The following CSF1 variants were observed in gnomAD, a reference collection of about 807,000 sequenced individuals.
CSF1 encodes colony stimulating factor 1, also known as macrophage colony-stimulating factor 1.
Under a neutral mutation model 48.9 loss-of-function variants are expected in CSF1, and 9 were observed. The observed-to-expected ratio is 0.18, with a 90% CI of 0.11 to 0.32. The LOEUF is 0.32. CSF1 is among the 10% of genes least tolerant of loss of function. The pLI, the probability that CSF1 is intolerant of heterozygous loss-of-function variation, is 1.00. For synonymous variants in CSF1, 305 were observed against 284.1 expected, an observed-to-expected ratio of 1.07 and a Z score of -0.74; for missense variants, 672 against 697.9, an observed-to-expected ratio of 0.96 and a Z score of 0.42.
chr1:109,924,304 G>A lies in CSF1; in HGVS notation c.1569+114G>A. Reference sequence around the variant, plus strand: ...GCGGCCTGAGTTCTTCAGACACAGAGAGATAGGGGCTGGCTCAGCACAGAG... The same window carrying A: ...GCGGCCTGAGTTCTTCAGACACAGAAAGATAGGGGCTGGCTCAGCACAGAG... On this transcript the variant is annotated intron_variant, in intron 6 of 8. Coordinates refer to ENST00000329608, the MANE Select transcript of CSF1 (RefSeq NM_000757.6). 10 of 871,532 alleles carry A rather than the reference G, an allele frequency of 1.1e-5. No individual in the cohort carries two copies. The South Asian group carries it at 1.8e-4, about 15-fold the overall frequency. The allele number at this position is 871,532 out of a possible 1,614,324, so 54.0% of individuals were successfully genotyped here. A position where few individuals can be genotyped will look rare whatever the true frequency, so the allele number is the denominator to read the frequency against.
In CSF1 at chr1:109,921,940, T is replaced by G; in HGVS notation, c.490T>G (p.Trp164Gly). 1 of 1,611,558 alleles carries G rather than the reference T, an allele frequency of 6.2e-7. No homozygotes were observed. The highest frequency in any genetic ancestry group is 1.1e-5 in the South Asian group (1 of 90,606). Residue 164 changes from tryptophan (W) to glycine (G), a missense_variant, in exon 5 of 9, where the codon TGG becomes GGG. Trp to Gly is a radical substitution (Grantham distance 184, BLOSUM62 -2). Coordinates refer to ENST00000329608, the MANE Select transcript of CSF1 (RefSeq NM_000757.6). ...AACAAAGAATCTCCTTGACAAGGAC[T>G]GGAATATTTTCAGCAAGAACTGCAA... ...NETKNLLDKDWNIFSKNCNNS... is the reference protein window; with the variant it reads ...NETKNLLDKDGNIFSKNCNNS...
rs755853450 is a variant in CSF1 at position 109,923,656 on chromosome 1, A to G, written c.1035A>G (p.Ser345=). 2.4e-5 allele frequency: 39 copies of G among 1,613,742 alleles called. No individual in the cohort carries two copies. The highest frequency in any genetic ancestry group is 3.1e-5 in the Non-Finnish European group (37 of 1,179,852). The part of the protein sequence containing the change: ...TEPARPSNFL[S]ASSPLPASAK... ...CCGCCAGACCCAGCAACTTCCTCTC[A>G]GCATCTTCTCCACTCCCTGCATCAG... Residue 345 remains serine, a synonymous_variant, in exon 6 of 9, where the codon TCA becomes TCG. Transcript: ENST00000329608.
In CSF1 at chr1:109,916,189, T is replaced by G. The variant is rs187597680; in HGVS notation, c.225+493T>G. Among the ~76,000 whole-genome samples, 320 of 152,294 alleles carry G rather than the reference T, an allele frequency of 2.1e-3. 2 individuals carry two copies. Among genetic ancestry groups the G allele is most frequent in the African/African-American group, 7.5e-3 (310 of 41,554 alleles). ...GCCCCACACCCAACCAGCCACCAAG[T>G]GCTGCTGGTTCTGCCTCTCAGCATC... is the stretch of plus-strand genomic sequence containing the variant. On this transcript the variant is annotated intron_variant, in intron 3 of 8. Transcript: ENST00000329608.
chr1:109,927,012 G>C (rs1647872175), intron 8 of CSF1, among the ~76,000 whole-genome samples: 1 of 152,218 alleles, frequency 6.6e-6, no homozygotes, highest in Non-Finnish European at 1.5e-5. Context: ...CAGTTAACCA[G>C]CTAACTGACT....
At chr1:109,911,862 G>A (rs1039339759) in intron 1 of CSF1, among the ~76,000 whole-genome samples, 2 of 152,218 alleles carry the variant, frequency 1.3e-5, no homozygotes, top group African/African-American at 2.4e-5. Flanking sequence ...TCCTGACTGC[G>A]TAAGGGACGC....
chr1:109,918,935 A>G (rs1362814985), intron 4 of CSF1, among the ~76,000 whole-genome samples: 3 of 152,064 alleles, frequency 2.0e-5, no homozygotes, highest in Non-Finnish European at 4.4e-5. Context: ...GGGCAAGCAG[A>G]GGATGGGGGA....
intron 4 of CSF1, 127 bp downstream of exon 4, chr1:109,917,590 T>C: frequency 1.0e-6 from 1 of 969,624 alleles, no homozygotes; most frequent in East Asian, 2.4e-5. Context: ...CACTCTCATT[T>C]ATTTGTCATC....
At chr1:109,924,244 C>T (rs1225242661) in intron 6 of CSF1, 54 bp downstream of exon 6, 15 of 1,496,494 alleles carry the variant, frequency 1.0e-5, no homozygotes, top group Non-Finnish European at 1.3e-5. Context: ...AGGGGCAGAG[C>T]CTGGCGGGGG....
intron 1 of CSF1, 74 bp downstream of exon 1, chr1:109,911,136 C>A (rs1654663357): frequency 2.2e-6 from 2 of 917,906 alleles, no homozygotes; most frequent in South Asian, 9.8e-5. Flanking sequence ...CCGGGAGCGG[C>A]CCCTCGGAGC....
At chr1:109,917,961 A>G (rs1054807783) in intron 4 of CSF1, among the ~76,000 whole-genome samples, 5 of 152,224 alleles carry the variant, frequency 3.3e-5, no homozygotes, top group African/African-American at 4.8e-5. Flanking sequence ...TAGCATGGCA[A>G]TAACAGCACT....
At chr1:109,918,909 G>A (rs975444814) in intron 4 of CSF1, among the ~76,000 whole-genome samples, 1 of 152,022 alleles carries the variant, frequency 6.6e-6, no homozygotes, top group African/African-American at 2.4e-5. Flanking sequence ...GCAGGCCCAG[G>A]AACCCAGCAT....
Position 109,917,484 on chromosome 1 carries a change from G to A in CSF1, c.396+21G>A, listed in dbSNP as rs375374526. ...ACAAGGTAGGAAGCCCTGAGGCCTG[G>A]AGCACTGAGTGAGGGCAGAGGGTGG... On this transcript the variant is annotated intron_variant, in intron 4 of 8. Transcript: ENST00000329608. The A allele has an allele frequency of 3.7e-6, 6 of 1,612,440 alleles. No individual in the cohort carries two copies. In the African/African-American group the frequency reaches 8.0e-5, roughly 22 times the overall value.
intron 4 of CSF1, among the ~76,000 whole-genome samples, chr1:109,919,305 C>A (rs985310743): frequency 1.3e-5 from 2 of 152,188 alleles, no homozygotes; most frequent in African/African-American, 2.4e-5. Context: ...GCGGCGCAAT[C>A]ACGACTCACT....
rs765157738 is a variant in CSF1, at chr1:109,923,846, C to T, written c.1225C>T (p.Arg409Cys). ...AGGCTCTCCCAGGATCTCATCACTG[C>T]GCCCCCAGGGCCTCAGCAACCCCTC... Reference protein sequence around the residue: ...EPGSPRISSLRPQGLSNPSTL... With the variant: ...EPGSPRISSLCPQGLSNPSTL... Residue 409 changes from arginine (R) to cysteine (C), a missense_variant, in exon 6 of 9, where the codon CGC becomes TGC. Physicochemically the swap from Arg to Cys is radical, Grantham distance 180 (BLOSUM62 -3). Around this residue, in one of 3 missense-constraint regions of CSF1, gnomAD observed 591 missense variants for 593.6 expected, o/e 1.00. Transcript: ENST00000329608. The T allele has an allele frequency of 3.2e-5, 52 of 1,613,766 alleles. No homozygotes were observed. Among genetic ancestry groups the T allele is most frequent in the South Asian group, 2.3e-4 (21 of 91,064 alleles).
intron 4 of CSF1, among the ~76,000 whole-genome samples, chr1:109,918,196 G>A (rs994777509): frequency 1.3e-5 from 2 of 152,208 alleles, no homozygotes; most frequent in South Asian, 2.1e-4. Context: ...AACAGGAAAA[G>A]CTATGCACAA....
At chr1:109,927,467 C>T (rs953452702) in intron 8 of CSF1, among the ~76,000 whole-genome samples, 1 of 152,190 alleles carries the variant, frequency 6.6e-6, no homozygotes, top group African/African-American at 2.4e-5. Context: ...TTGCTGGTGG[C>T]TCAGTGCCAC....
At chr1:109,925,337 A>G (rs1029510029) in intron 8 of CSF1, 135 bp downstream of exon 8, 1 of 735,970 alleles carries the variant, frequency 1.4e-6, no homozygotes, top group African/African-American at 1.7e-5. Flanking sequence ...CCCTTTCCAT[A>G]CATCGCCAGC....
rs1468856127 is a variant in CSF1 at position 109,925,177 on chromosome 1, A to G, written c.1653A>G (p.Glu551=). The change falls in exon 8 of 9, where the codon GAA becomes GAG. Residue 551 remains glutamate, a synonymous_variant. Transcript: ENST00000329608. ...TGACTCAGGATGACAGACAGGTGGA[A>G]CTGCCAGTGTAGAGGGAATTCTAAG... ...SPLTQDDRQV[E]LPV is the part of the protein sequence containing the mutation. 5 of 1,613,930 alleles carry G rather than the reference A, an allele frequency of 3.1e-6. No individual in the cohort carries two copies. The highest frequency in any genetic ancestry group is 4.5e-5 in the East Asian group (2 of 44,878).
At chr1:109,910,609 G>A, upstream of CSF1, 1 of 244,324 alleles carries the variant, frequency 4.1e-6, no homozygotes, top group South Asian at 3.3e-5. Context: ...TGAAGGCTTG[G>A]AAGTGCAGCG....
Sources: gnomAD v4.1 joint callset for allele counts (sites outside exome capture counted in the v4.1 genomes callset) on GRCh38, gnomAD v4.1.1 for gene constraint, gnomAD v4.1.1 regional missense constraint, MANE v1.5 for transcripts, NCBI Gene and HGNC (gene_info 2026-07-23, HGNC 2026-07-21) for gene names.